Variants in MSRB3 observed in about 807,000 individuals in gnomAD.
The protein encoded by MSRB3 is methionine-R-sulfoxide reductase B3.
A neutral mutation model predicts 21.0 loss-of-function variants in MSRB3; 13 were observed. That is an observed-to-expected ratio of 0.62 (90% confidence interval 0.40 to 0.98). MSRB3 has a LOEUF of 0.98. MSRB3 is among the 50% of genes least tolerant of loss of function. The pLI, the probability that MSRB3 is intolerant of heterozygous loss-of-function variation, is 0.00. For synonymous variants in MSRB3, 87 were observed against 88.6 expected (o/e 0.98, Z 0.10); for missense variants, 199 against 230.3 (o/e 0.86, Z 0.88).
At chr12:65,403,021 C>T (rs1451046161) in intron 5 of MSRB3, among the ~76,000 whole-genome samples, 1 of 152,194 alleles carries the variant, frequency 6.6e-6, no homozygotes, top group African/African-American at 2.4e-5. Flanking sequence ...CCAGAGCTCT[C>T]CTGTATGAGG....
chr12:65,349,974 C>T (rs552827216), intron 4 of MSRB3, among the ~76,000 whole-genome samples: 11 of 151,918 alleles, frequency 7.2e-5, no homozygotes, highest in South Asian at 2.1e-4. Context: ...TTGGACATGA[C>T]GTCCTTGCCC....
intron 2 of MSRB3, among the ~76,000 whole-genome samples, chr12:65,325,400 G>A (rs1417826714): frequency 6.6e-6 from 1 of 152,150 alleles, no homozygotes; most frequent in East Asian, 1.9e-4. Flanking sequence ...CAGCAGAGGT[G>A]CTGTCTGACA....
At chr12:65,411,558 C>T (rs1005280974) in intron 5 of MSRB3, among the ~76,000 whole-genome samples, 9 of 152,078 alleles carry the variant, frequency 5.9e-5, no homozygotes, top group South Asian at 2.1e-4. Flanking sequence ...GATTAGCAAA[C>T]GGTTAAATCC....
chr12:65,380,586 G>T (rs1008059949), intron 5 of MSRB3, among the ~76,000 whole-genome samples: 1 of 152,058 alleles, frequency 6.6e-6, no homozygotes, highest in Non-Finnish European at 1.5e-5. Flanking sequence ...AAAAGAAAAA[G>T]AATTGGTACT....
At chr12:65,384,815 A>G (rs1000040784) in intron 5 of MSRB3, among the ~76,000 whole-genome samples, 1 of 152,158 alleles carries the variant, frequency 6.6e-6, no homozygotes, top group African/African-American at 2.4e-5. Context: ...GTAACACTTC[A>G]GTCAGTGTGT....
chr12:65,332,953 T>G (rs1389127641), intron 4 of MSRB3, among the ~76,000 whole-genome samples: 1 of 152,224 alleles, frequency 6.6e-6, no homozygotes, highest in African/African-American at 2.4e-5. Context: ...ATTTACAAAT[T>G]TTACCAAGCT....
chr12:65,339,343 C>T (rs1053821926), intron 4 of MSRB3, among the ~76,000 whole-genome samples: 1 of 152,184 alleles, frequency 6.6e-6, no homozygotes, highest in African/African-American at 2.4e-5. Flanking sequence ...CTCAAATATT[C>T]CCTGGGGCAA....
chr12:65,389,360 G>T (rs745544714), intron 5 of MSRB3, among the ~76,000 whole-genome samples: 1 of 151,260 alleles, frequency 6.6e-6, no homozygotes, highest in Non-Finnish European at 1.5e-5. Flanking sequence ...CTCTCCCAAG[G>T]TCCCTCTTGC....
Position 65,422,423 on chromosome 12 carries a change from TA to T in MSRB3, c.293-31304del, listed in dbSNP as rs1565885146. ...ATATATATATATATATATATATATA[TA>T]TATATATTTATTTATTTATTTATGG... On this transcript the variant is annotated intron_variant, in intron 5 of 6. Transcript: ENST00000308259. 4.5e-3 allele frequency among the ~76,000 whole-genome samples: 347 copies of T among 77,664 alleles called. 1 individual carries two copies. The highest frequency in any genetic ancestry group is 0.013 in the African/African-American group (286 of 21,522). The allele number at this position is 77,664 out of a possible 152,430, so 51.0% of individuals were successfully genotyped here.
In MSRB3 at chr12:65,308,631, C is replaced by G; in HGVS notation, c.52C>G (p.Leu18Val). The change falls in exon 2 of 7, where the codon CTT becomes GTT. Residue 18 changes from leucine to valine, a missense_variant. Transcript: ENST00000308259. ...GGTGACAAAGAGCCAGCCAGTAGCC[C>G]TTCGAGCCTGTGGGCTTCCCTCAGG... ...HLVTKSQPVA[L>V]RACGLPSGSC... 1 of 1,613,954 alleles carries G rather than the reference C, an allele frequency of 6.2e-7. No individual in the cohort carries two copies. The highest frequency in any genetic ancestry group is 1.1e-5 in the South Asian group (1 of 91,082).
In MSRB3 at chr12:65,353,474, A is replaced by G. The variant is rs548826075; in HGVS notation, c.264-15524A>G. 2.6e-5 allele frequency among the ~76,000 whole-genome samples: 4 copies of G among 152,278 alleles called. No individual in the cohort carries two copies. The South Asian group carries it at 6.2e-4, about 24-fold the overall frequency. On this transcript the variant is annotated intron_variant, in intron 4 of 6. Transcript: ENST00000308259. ...TTGTTGAATTGATCCCTTTACCATT[A>G]TGTAATGGCCTTCTTTGTCCCTTTT...
At position 65,453,738 on chromosome 12, in the gene MSRB3, A is replaced by G. The variant is rs760382678; in HGVS notation, c.303A>G (p.Ser101=). 3.7e-6 allele frequency: 6 copies of G among 1,613,896 alleles called. No individual in the cohort carries two copies. Among genetic ancestry groups the G allele is most frequent in the African/African-American group, 1.3e-5 (1 of 74,896 alleles). The change falls in exon 6 of 7, where the codon TCA becomes TCG. Residue 101 remains serine, a synonymous_variant. Coordinates refer to ENST00000308259, the MANE Select transcript of MSRB3 (RefSeq NM_001031679.3). ...TKFDSGSGWP[S]FHDVINSEAI... Reference sequence around the variant, plus strand: ...CCTGCTGTGTCCCAGGTTGGCCTTCATTCCACGATGTGATCAATTCTGAGG... The same window carrying G: ...CCTGCTGTGTCCCAGGTTGGCCTTCGTTCCACGATGTGATCAATTCTGAGG...
Position 65,449,702 on chromosome 12 carries a change from C to T in MSRB3, c.293-4026C>T, listed in dbSNP as rs553308351. Among the ~76,000 whole-genome samples, 9 of 152,212 alleles carry T rather than the reference C, an allele frequency of 5.9e-5. No individual in the cohort carries two copies. The South Asian group carries it at 1.9e-3, about 32-fold the overall frequency. On this transcript the variant is annotated intron_variant, in intron 5 of 6. Coordinates refer to ENST00000308259, the MANE Select transcript of MSRB3 (RefSeq NM_001031679.3). Reference sequence around the variant, plus strand: ...ATTCATGAGTAGTTTCTGCTGGGTTCTGTTGATGAGTCATGTAGCTGACTA... The same window carrying T: ...ATTCATGAGTAGTTTCTGCTGGGTTTTGTTGATGAGTCATGTAGCTGACTA...
intron 1 of MSRB3, among the ~76,000 whole-genome samples, chr12:65,297,885 G>A (rs1873073627): frequency 6.6e-6 from 1 of 152,110 alleles, no homozygotes; most frequent in African/African-American, 2.4e-5. Context: ...TATTTGAGCA[G>A]TATCTTGGAA....
chr12:65,337,876 T>C (rs1565841087), intron 4 of MSRB3, among the ~76,000 whole-genome samples: 1 of 152,232 alleles, frequency 6.6e-6, no homozygotes, highest in East Asian at 1.9e-4. Flanking sequence ...ATAACTTACA[T>C]GAGTAACTCA....
intron 5 of MSRB3, among the ~76,000 whole-genome samples, chr12:65,388,821 A>G (rs1879323152): frequency 6.6e-6 from 1 of 152,194 alleles, no homozygotes; most frequent in Non-Finnish European, 1.5e-5. Context: ...GCAGTGCGCC[A>G]TGATCGTTCG....
At chr12:65,333,518 A>G (rs1875561130) in intron 4 of MSRB3, among the ~76,000 whole-genome samples, 2 of 152,186 alleles carry the variant, frequency 1.3e-5, no homozygotes, top group African/African-American at 2.4e-5. Flanking sequence ...ACACTAGTCC[A>G]ATAGGAGTGG....
chr12:65,324,031 T>C (rs1331579760), intron 2 of MSRB3, among the ~76,000 whole-genome samples: 1 of 152,160 alleles, frequency 6.6e-6, no homozygotes, highest in African/African-American at 2.4e-5. Flanking sequence ...TTTGAGAATA[T>C]AGTATAACCA....
chr12:65,350,378 C>G (rs535124804), intron 4 of MSRB3, among the ~76,000 whole-genome samples: 49 of 151,960 alleles, frequency 3.2e-4, no homozygotes, highest in African/African-American at 1.1e-3. Flanking sequence ...TAAAGACCAT[C>G]GAGACTAGGA....
Sources: gnomAD v4.1 joint callset for allele counts (sites outside exome capture counted in the v4.1 genomes callset) on GRCh38, gnomAD v4.1.1 for gene constraint, MANE v1.5 for transcripts, NCBI Gene and HGNC (gene_info 2026-07-23, HGNC 2026-07-21) for gene names.